The following RPLP0 variants were observed in gnomAD, a reference collection of about 807,000 sequenced individuals.
The protein encoded by RPLP0 is large ribosomal subunit protein uL10.
For synonymous variants in RPLP0, 137 were observed against 153.4 expected (o/e 0.89, Z 0.79); for missense variants, 276 against 402.9 (o/e 0.69, Z 2.70).
chr12:120,200,760 G>T lies in RPLP0; in HGVS notation c.24C>A (p.Thr8=), dbSNP rs1317815388. 3 of 1,611,598 alleles carry T rather than the reference G, an allele frequency of 1.9e-6. No homozygotes were observed. The highest frequency in any genetic ancestry group is 3.3e-5 in the Admixed American group (2 of 59,860). The change falls in exon 2 of 8, where the codon ACC becomes ACA. Residue 8 remains threonine (T), a synonymous_variant. Transcript: ENST00000392514. ...TCTTAAGGAAGTAGTTGGACTTCCAGGTCGCCCTGTCTTCCCTGGGCATCA... is the reference window on the plus strand; with the variant it reads ...TCTTAAGGAAGTAGTTGGACTTCCATGTCGCCCTGTCTTCCCTGGGCATCA... The part of the protein sequence containing the change: MPREDRA[T]WKSNYFLKII...
chr12:120,199,897 G>A (rs1227428273), intron 2 of RPLP0: 2 of 393,586 alleles, frequency 5.1e-6, no homozygotes, highest in South Asian at 1.8e-5. Flanking sequence ...CAATCTAGGC[G>A]TGTTTATCCG....
intron 6 of RPLP0, chr12:120,197,750 T>G (rs570268222): frequency 2.9e-6 from 1 of 348,096 alleles, no homozygotes; most frequent in East Asian, 4.7e-5. Flanking sequence ...ACGTAGCCAT[T>G]GAGTTCCATG....
At chr12:120,200,882 G>A (rs1329832270) in intron 1 of RPLP0, 51 bp from the exon 2 acceptor site, 3 of 1,518,604 alleles carry the variant, frequency 2.0e-6, no homozygotes, top group Admixed American at 2.0e-5. Context: ...CCCATCCCGC[G>A]GTCCCGGGCC....
At position 120,199,442 on chromosome 12, in the gene RPLP0, T is replaced by C; in HGVS notation, c.98A>G (p.Asp33Gly). The C allele has an allele frequency of 6.2e-7, 1 of 1,614,130 alleles. No homozygotes were observed. The highest frequency in any genetic ancestry group is 1.1e-5 in the South Asian group (1 of 91,086). ...DYPKCFIVGA[D>G]NVGSKQMQQI... ...CTGCATCTGCTTGGAGCCCACATTGTCTGCTCCCACAATGAAACATTTCGG... is the reference window on the plus strand; with the variant it reads ...CTGCATCTGCTTGGAGCCCACATTGCCTGCTCCCACAATGAAACATTTCGG... Residue 33 changes from aspartate (D) to glycine (G), a missense_variant, in exon 3 of 8, where the codon GAC (aspartate) becomes GGC (glycine). Transcript: ENST00000392514.
At chr12:120,200,911 C>A in intron 1 of RPLP0, 80 bp from the exon 2 acceptor site, 1 of 1,437,524 alleles carries the variant, frequency 7.0e-7, no homozygotes, top group Non-Finnish European at 9.1e-7. Context: ...GCAGGACACG[C>A]GCAATCGCCC....
chr12:120,196,944 G>C lies in RPLP0; in HGVS notation c.793-10C>G. On this transcript the variant is annotated splice_polypyrimidine_tract_variant and intron_variant, in intron 7 of 7. Coordinates refer to ENST00000392514, the MANE Select transcript of RPLP0 (RefSeq NM_001002.4). ...CCAAGAAGGCCTTGACCTGAAAGGA[G>C]GGGGGAAGTGGTCAAAATGGTCATC... is the stretch of plus-strand genomic sequence containing the variant. 6.2e-7 allele frequency: 1 copy of C among 1,612,966 alleles called. No individual in the cohort carries two copies. Among genetic ancestry groups the C allele is most frequent in the Admixed American group, 1.7e-5 (1 of 60,000 alleles).
intron 7 of RPLP0, 187 bp downstream of exon 7, chr12:120,197,135 C>G: frequency 9.6e-7 from 1 of 1,040,002 alleles, no homozygotes; most frequent in Admixed American, 2.2e-5. Flanking sequence ...CCATTAACCC[C>G]CTCTTTGGGT....
chr12:120,200,984 G>C, intron 1 of RPLP0, 99 bp downstream of exon 1: 1 of 885,850 alleles, frequency 1.1e-6, no homozygotes, highest in Non-Finnish European at 1.7e-6. Flanking sequence ...CGAGGCCCCA[G>C]GCGGAACAGA....
In RPLP0 at chr12:120,196,713, G is replaced by A; in HGVS notation, c.*60C>T. 6.6e-7 allele frequency: 1 copy of A among 1,507,758 alleles called. No homozygotes were observed. Among genetic ancestry groups the A allele is most frequent in the Non-Finnish European group, 8.9e-7 (1 of 1,126,404 alleles). The allele number at this position is 1,507,758 out of a possible 1,614,324, so 93.4% of individuals were successfully genotyped here. On this transcript the variant is annotated 3_prime_UTR_variant, in exon 8 of 8. Transcript: ENST00000392514. ...AAGAGTCCAGAGACTTTTTAAAGAA[G>A]TAAGCCTTTATTTCCTTGTTTTGCA...
In RPLP0 at chr12:120,199,210, A is replaced by C. The variant is rs768159284; in HGVS notation, c.231-5T>G. ...CCCCGGATATGAGGCAGCAGTCTGC[A>C]AAGAGAAGTTTATGGGAGACAATCA... On this transcript the variant is annotated splice_region_variant and splice_polypyrimidine_tract_variant and intron_variant, in intron 3 of 7. Transcript: ENST00000392514. 3.1e-6 allele frequency: 5 copies of C among 1,613,872 alleles called. No individual in the cohort carries two copies. The highest frequency in any genetic ancestry group is 4.2e-6 in the Non-Finnish European group (5 of 1,179,750).
Position 120,198,890 on chromosome 12 carries a change from G to A in RPLP0, c.429C>T (p.Ile143=), listed in dbSNP as rs553386311. 6.2e-7 allele frequency: 1 copy of A among 1,614,028 alleles called. No individual in the cohort carries two copies. The highest frequency in any genetic ancestry group is 2.2e-5 in the East Asian group (1 of 44,886). ...TGGTGCCCCTGGAGATTTTAGTGGT[G>A]ATACCTAAAGCCTGGAAAAAGGAGG... The part of the protein sequence containing the change: ...EKTSFFQALG[I]TTKISRGTIE... The change falls in exon 5 of 8, where the codon ATC becomes ATT. Residue 143 remains isoleucine, a synonymous_variant. Coordinates refer to ENST00000392514, the MANE Select transcript of RPLP0 (RefSeq NM_001002.4). The surrounding 1 kb of genome is among the most constrained non-coding windows in gnomAD (Gnocchi z 4.1).
Position 120,201,080 on chromosome 12 carries a change from A to G in RPLP0, c.-49+3T>C. 1 of 383,522 alleles carries G rather than the reference A, an allele frequency of 2.6e-6. No individual in the cohort carries two copies. The highest frequency in any genetic ancestry group is 4.7e-6 in the Non-Finnish European group (1 of 213,520). The allele number at this position is 383,522 out of a possible 1,614,324, so 23.8% of individuals were successfully genotyped here. A position where few individuals can be genotyped will look rare whatever the true frequency, so the allele number is the denominator to read the frequency against. On this transcript the variant is annotated splice_donor_region_variant and intron_variant, in intron 1 of 7. Coordinates refer to ENST00000392514, the MANE Select transcript of RPLP0 (RefSeq NM_001002.4). ...CTGGCGCCCATCTAACTAGCACACG[A>G]ACCTTCCACGAGGACGCCTGGCGAG...
rs969167705 is a variant in RPLP0, at chr12:120,200,847, G to C, written c.-48-16C>G. On this transcript the variant is annotated splice_polypyrimidine_tract_variant and intron_variant, in intron 1 of 7. Transcript: ENST00000392514. ...GACGATGTCACTGAGGAGAGACAGG[G>C]AGCTCAGGCCTGGTCACGCCGACAC... 6.3e-7 allele frequency: 1 copy of C among 1,582,780 alleles called. No homozygotes were observed. The highest frequency in any genetic ancestry group is 2.3e-5 in the East Asian group (1 of 43,316).
Position 120,200,682 on chromosome 12 carries a change from T to C in RPLP0, c.54+48A>G, listed in dbSNP as rs561004678. ...GCACATAGCAGCTGACTGTCCCTAT[T>C]TGCGCTGGGGCAACATGAAGAGCAG... On this transcript the variant is annotated intron_variant, in intron 2 of 7. Transcript: ENST00000392514. The C allele has an allele frequency of 1.5e-5, 24 of 1,587,486 alleles. No individual in the cohort carries two copies. The Middle Eastern group carries it at 5.0e-4, about 33-fold the overall frequency.
rs1310236603 is a variant in RPLP0 at position 120,198,784 on chromosome 12, A to C, written c.466-45T>G. 2 of 1,610,754 alleles carry C rather than the reference A, an allele frequency of 1.2e-6. No homozygotes were observed. The highest frequency in any genetic ancestry group is 8.5e-7 in the Non-Finnish European group (1 of 1,176,902). ...GGCAGTAAACACCTGTTGGACAACC[A>C]GCAGATCCATGGCCACTAAAAGCAG... On this transcript the variant is annotated intron_variant, in intron 5 of 7. Coordinates refer to ENST00000392514, the MANE Select transcript of RPLP0 (RefSeq NM_001002.4). This position sits in a 1 kb window ranked among gnomAD's most constrained non-coding sequence, Gnocchi z 4.1.
At chr12:120,200,300 T>G (rs547123206) in intron 2 of RPLP0, 1 of 338,470 alleles carries the variant, frequency 3.0e-6, no homozygotes, top group East Asian at 8.3e-5. Context: ...CTGTCTCTAT[T>G]GAAAATACAA....
At chr12:120,201,019 C>T in intron 1 of RPLP0, 64 bp downstream of exon 1, 1 of 543,180 alleles carries the variant, frequency 1.8e-6, no homozygotes, top group South Asian at 3.3e-5. Context: ...TCCCAAAGGC[C>T]CCCAAAGACC....
Position 120,199,180 on chromosome 12 carries a change from C to G in RPLP0, c.256G>C (p.Val86Leu). 6.2e-7 allele frequency: 1 copy of G among 1,614,094 alleles called. No individual in the cohort carries two copies. The highest frequency in any genetic ancestry group is 8.5e-7 in the Non-Finnish European group (1 of 1,179,942). The part of the protein sequence containing the change: ...EKLLPHIRGN[V>L]GFVFTKEDLT... ...TCCTCCTTGGTGAACACAAAGCCCA[C>G]ATTCCCCCGGATATGAGGCAGCAGT... The change falls in exon 4 of 8, where the codon GTG (valine) becomes CTG (leucine). Residue 86 changes from valine (V) to leucine (L), a missense_variant. Physicochemically the swap from Val to Leu is conservative, Grantham distance 32 (BLOSUM62 1). Coordinates refer to ENST00000392514, the MANE Select transcript of RPLP0 (RefSeq NM_001002.4).
At position 120,199,162 on chromosome 12, in the gene RPLP0, T is replaced by C; in HGVS notation, c.274A>G (p.Lys92Glu). Residue 92 changes from lysine (K) to glutamate (E), a missense_variant, in exon 4 of 8, where the codon AAG becomes GAG. Physicochemically the swap from Lys to Glu is moderately conservative, Grantham distance 56. Transcript: ENST00000392514. ...TCCCTGATCTCAGTGAGGTCCTCCT[T>C]GGTGAACACAAAGCCCACATTCCCC... The part of the protein sequence containing the change: ...IRGNVGFVFT[K>E]EDLTEIRDML... 2 of 1,614,130 alleles carry C rather than the reference T, an allele frequency of 1.2e-6. No individual in the cohort carries two copies. Among genetic ancestry groups the C allele is most frequent in the Non-Finnish European group, 1.7e-6 (2 of 1,179,984 alleles).
Sources: allele counts gnomAD v4.1 joint callset, GRCh38; gene constraint gnomAD v4.1.1; non-coding constraint Gnocchi (gnomAD v3.1); transcripts MANE v1.5; gene names NCBI Gene and HGNC (gene_info 2026-07-23, HGNC 2026-07-21).